ANKS1B: variants seen among roughly 807,000 people sequenced by gnomAD.
ANKS1B encodes the protein ankyrin repeat and sterile alpha motif domain containing 1B.
In ANKS1B, 36 loss-of-function variants were observed where a neutral mutation model predicts 148.3. The observed-to-expected ratio is 0.24, with a 90% CI of 0.19 to 0.32. The LOEUF (loss-of-function observed/expected upper bound fraction) is 0.32, where lower values mean the gene tolerates loss of function less well. ANKS1B is among the 10% of genes least tolerant of loss of function. The probability of loss-of-function intolerance (pLI) is 1.00; values close to 1 mark genes in which losing one functional copy is unlikely to be tolerated. For synonymous variants in ANKS1B, 542 were observed against 560.8 expected (o/e 0.97, Z 0.47); for missense variants, 1,157 against 1,542.6 (o/e 0.75, Z 4.19).
intron 15 of ANKS1B, among the ~76,000 whole-genome samples, chr12:99,114,060 T>A (rs1230730157): frequency 6.6e-6 from 1 of 152,200 alleles, no homozygotes; most frequent in Non-Finnish European, 1.5e-5. Context: ...CACTTTGCAA[T>A]TTGTAAGGAA....
chr12:98,987,120 T>C (rs1348171959), intron 17 of ANKS1B, among the ~76,000 whole-genome samples: 1 of 152,018 alleles, frequency 6.6e-6, no homozygotes, highest in Non-Finnish European at 1.5e-5. Context: ...AATAGTATTT[T>C]CATTAAAAAT....
At chr12:99,307,097 C>T (rs544206309) in intron 12 of ANKS1B, among the ~76,000 whole-genome samples, 1 of 152,166 alleles carries the variant, frequency 6.6e-6, no homozygotes, top group East Asian at 1.9e-4. Context: ...ATAGTTTTTC[C>T]TTCCAGGATC....
At chr12:99,613,051 G>A (rs2097915555) in intron 9 of ANKS1B, among the ~76,000 whole-genome samples, 2 of 152,060 alleles carry the variant, frequency 1.3e-5, no homozygotes, top group South Asian at 4.2e-4. Context: ...TAGCATCCTT[G>A]AACTGGGAGA....
At chr12:98,756,247 G>A (rs2098238563) in intron 25 of ANKS1B, among the ~76,000 whole-genome samples, 2 of 152,136 alleles carry the variant, frequency 1.3e-5, no homozygotes, top group African/African-American at 4.8e-5. Flanking sequence ...TGCTGTTCTT[G>A]TGATAGTGAA....
chr12:98,999,117 C>G (rs2099931400), intron 17 of ANKS1B, among the ~76,000 whole-genome samples: 5 of 152,248 alleles, frequency 3.3e-5, no homozygotes, highest in Admixed American at 6.5e-5. Flanking sequence ...TAGAAAAGCA[C>G]AGGCAGAGTT....
chr12:98,862,329 T>G (rs2099603305), intron 17 of ANKS1B, among the ~76,000 whole-genome samples: 1 of 152,176 alleles, frequency 6.6e-6, no homozygotes, highest in Admixed American at 6.6e-5. Flanking sequence ...ATTTCAGTTC[T>G]CTCATCTATA....
intron 9 of ANKS1B, among the ~76,000 whole-genome samples, chr12:99,584,843 C>T (rs2097612263): frequency 1.3e-5 from 2 of 151,994 alleles, no homozygotes; most frequent in Admixed American, 6.6e-5. Context: ...GAGAATGGCA[C>T]AGGAAAAACC....
At chr12:98,794,990 T>C (rs1469670277) in intron 22 of ANKS1B, 2 of 985,230 alleles carry the variant, frequency 2.0e-6, no homozygotes, top group African/African-American at 3.2e-5. Context: ...TAACCATTTC[T>C]TTTATGAACA....
chr12:98,875,497 C>T (rs2099686468), intron 17 of ANKS1B, among the ~76,000 whole-genome samples: 1 of 152,198 alleles, frequency 6.6e-6, no homozygotes, highest in African/African-American at 2.4e-5. Context: ...CTCGGCAGCT[C>T]TGTTGTCTGT....
chr12:99,038,744 G>A (rs1298600150), intron 17 of ANKS1B, among the ~76,000 whole-genome samples: 3 of 152,162 alleles, frequency 2.0e-5, no homozygotes, highest in Admixed American at 6.5e-5. Context: ...CGGTCCTGCC[G>A]CAGGGGATCT....
At chr12:98,802,525 A>T (rs987981727) in intron 20 of ANKS1B, among the ~76,000 whole-genome samples, 2 of 145,872 alleles carry the variant, frequency 1.4e-5, no homozygotes, top group Non-Finnish European at 3.0e-5. Flanking sequence ...TTGGACTTAC[A>T]TTAGGTGACA....
intron 8 of ANKS1B, among the ~76,000 whole-genome samples, chr12:99,753,609 C>G (rs141582552): frequency 1.8e-4 from 28 of 152,162 alleles, no homozygotes; most frequent in African/African-American, 6.7e-4. Context: ...GTAACAAACT[C>G]CCTCAGCATT....
intron 17 of ANKS1B, among the ~76,000 whole-genome samples, chr12:99,000,206 G>A (rs1036775079): frequency 2.6e-5 from 4 of 151,296 alleles, no homozygotes; most frequent in African/African-American, 9.7e-5. Flanking sequence ...GATAGGGGAG[G>A]GTAGTGAAGG....
At chr12:98,838,535 T>A (rs1040542307) in intron 17 of ANKS1B, among the ~76,000 whole-genome samples, 2 of 152,102 alleles carry the variant, frequency 1.3e-5, no homozygotes, top group African/African-American at 4.8e-5. Context: ...CTTCAGAGAG[T>A]ACACATGCAG....
At chr12:99,689,296 A>G (rs1490545512) in intron 8 of ANKS1B, among the ~76,000 whole-genome samples, 1 of 152,230 alleles carries the variant, frequency 6.6e-6, no homozygotes, top group South Asian at 2.1e-4. Context: ...TTTTAAGATG[A>G]AACCAGGCTA....
At chr12:98,818,137 T>TTCCC (rs1415982349) in intron 19 of ANKS1B, among the ~76,000 whole-genome samples, 7 of 135,806 alleles carry the variant, frequency 5.2e-5, no homozygotes, top group East Asian at 2.6e-4. Context: ...TCCTCTCCAG[T>TTCCC]TCCCTCCCTC....
intron 9 of ANKS1B, among the ~76,000 whole-genome samples, chr12:99,616,629 C>A (rs2097965214): frequency 6.6e-6 from 1 of 152,084 alleles, no homozygotes; most frequent in South Asian, 2.1e-4. Flanking sequence ...ACATCTTATA[C>A]AAAAATTAAC....
chr12:98,857,421 A>G (rs184337810), intron 17 of ANKS1B, among the ~76,000 whole-genome samples: 2 of 152,248 alleles, frequency 1.3e-5, no homozygotes, highest in Non-Finnish European at 2.9e-5. Context: ...CTAGAGAGAG[A>G]GAACTGATTG....
chr12:99,972,583 T>C (rs1566115490), intron 1 of ANKS1B, among the ~76,000 whole-genome samples: 1 of 152,130 alleles, frequency 6.6e-6, no homozygotes, highest in African/African-American at 2.4e-5. Flanking sequence ...AAGAAAAATC[T>C]GAAGGTAGCA....
Sources: gnomAD v4.1 joint callset for allele counts (sites outside exome capture counted in the v4.1 genomes callset) on GRCh38, gnomAD v4.1.1 for gene constraint, MANE v1.5 for transcripts, NCBI Gene and HGNC (gene_info 2026-07-23, HGNC 2026-07-21) for gene names.